Variants in SPTAN1 observed in about 807,000 individuals in gnomAD.
SPTAN1 encodes the protein spectrin alpha, non-erythrocytic 1.
A neutral mutation model predicts 331.3 loss-of-function variants in SPTAN1; 61 were observed. The ratio of observed to expected loss-of-function variants is 0.18; its 90% confidence interval spans 0.15 to 0.23. SPTAN1 has a LOEUF of 0.23. SPTAN1 is among the 10% of genes least tolerant of loss of function. The pLI, the probability that SPTAN1 is intolerant of heterozygous loss-of-function variation, is 1.00. For synonymous variants in SPTAN1, 1,153 were observed against 1,173.9 expected (o/e 0.98, Z 0.36); for missense variants, 2,043 against 3,147.9 (o/e 0.65, Z 8.40).
At chr9:128,562,639 CA>C (rs1849508727) in intron 1 of SPTAN1, among the ~76,000 whole-genome samples, 1 of 152,094 alleles carries the variant, frequency 6.6e-6, no homozygotes, top group African/African-American at 2.4e-5. Flanking sequence ...CATCAGAAAT[CA>C]GCCTTCTCCA....
At chr9:128,560,281 A>C (rs1234293959) in intron 1 of SPTAN1, among the ~76,000 whole-genome samples, 1 of 151,252 alleles carries the variant, frequency 6.6e-6, no homozygotes, top group African/African-American at 2.4e-5. Context: ...ACGAGGTTCC[A>C]CCGTGTTGCC....
At chr9:128,578,017 A>G (rs1463900648) in intron 8 of SPTAN1, 93 bp from the exon 9 acceptor site, 6 of 1,380,282 alleles carry the variant, frequency 4.3e-6, no homozygotes, top group East Asian at 2.3e-5. Flanking sequence ...TTTGTTAGAC[A>G]TTTGAGAACA....
chr9:128,591,338 T>G, intron 21 of SPTAN1, 139 bp from the exon 22 acceptor site: 13 of 1,027,304 alleles, frequency 1.3e-5, no homozygotes, highest in Non-Finnish European at 1.8e-5. Context: ...AGTGCTGGGA[T>G]TATAGGTGTG....
At position 128,582,916 on chromosome 9, in the gene SPTAN1, A is replaced by G. The variant is rs940594719; in HGVS notation, c.1806+67A>G. 14 of 1,605,126 alleles carry G rather than the reference A, an allele frequency of 8.7e-6. No individual in the cohort carries two copies. In the African/African-American group the frequency reaches 1.7e-4, roughly 20 times the overall value. On this transcript the variant is annotated intron_variant, in intron 14 of 56. Coordinates refer to ENST00000372739, the MANE Select transcript of SPTAN1 (RefSeq NM_001130438.3). ...AGCTAAACACAGCTCTCACAAATAA[A>G]TTGTAGCTAAAGGACGAAATAAGGG...
chr9:128,624,380 A>G lies in SPTAN1; in HGVS notation c.5885A>G (p.Lys1962Arg). 1.2e-6 allele frequency: 2 copies of G among 1,614,070 alleles called. No homozygotes were observed. The highest frequency in any genetic ancestry group is 1.1e-5 in the South Asian group (1 of 91,084). ...ISSKMKGLNG[K>R]VSDLEKAAAQ... Reference sequence around the variant, plus strand: ...TCAAAGATGAAGGGCCTGAACGGGAAAGTGTCAGACCTGGAGAAAGCTGCA... The same window carrying G: ...TCAAAGATGAAGGGCCTGAACGGGAGAGTGTCAGACCTGGAGAAAGCTGCA... Residue 1962 changes from lysine to arginine, a missense_variant, in exon 46 of 57, where the codon AAA becomes AGA. Physicochemically the swap from Lys to Arg is conservative, Grantham distance 26 (BLOSUM62 2). Transcript: ENST00000372739.
Position 128,588,788 on chromosome 9 carries a change from GC to G in SPTAN1, c.2872-18del. 6.2e-7 allele frequency: 1 copy of G among 1,613,642 alleles called. No homozygotes were observed. Among genetic ancestry groups the G allele is most frequent in the Non-Finnish European group, 8.5e-7 (1 of 1,180,010 alleles). Reference sequence around the variant, plus strand: ...GCGCGGACGTGTTTTTACCATGTTTGCCCTTCCTTTGGATTTTTAGCAACAA... The same window carrying G: ...GCGCGGACGTGTTTTTACCATGTTTGCCTTCCTTTGGATTTTTAGCAACAA... On this transcript the variant is annotated intron_variant, in intron 20 of 56. Coordinates refer to ENST00000372739, the MANE Select transcript of SPTAN1 (RefSeq NM_001130438.3).
chr9:128,616,259 G>A (rs1480391143), intron 41 of SPTAN1, among the ~76,000 whole-genome samples: 2 of 151,616 alleles, frequency 1.3e-5, no homozygotes, highest in East Asian at 2.0e-4. Context: ...CTGTCACCAG[G>A]CTAGAATGCC....
chr9:128,628,312 C>T lies in SPTAN1; in HGVS notation c.6707+370C>T, dbSNP rs1253513973. ...TGGGCTCTCACCTCTGCTTCCCCAG[C>T]GAGTCCAACAGTGGTCAGTGGGCAT... On this transcript the variant is annotated intron_variant, in intron 51 of 56. Coordinates refer to ENST00000372739, the MANE Select transcript of SPTAN1 (RefSeq NM_001130438.3). 5 of 402,402 alleles carry T rather than the reference C, an allele frequency of 1.2e-5. 1 individual carries two copies. Among genetic ancestry groups the T allele is most frequent in the East Asian group, 6.2e-5 (1 of 16,078 alleles). 24.9% of individuals were successfully genotyped at this position (402,402 alleles called of 1,614,324 possible).
intron 44 of SPTAN1, among the ~76,000 whole-genome samples, chr9:128,620,096 A>G (rs1857654458): frequency 6.6e-6 from 1 of 152,172 alleles, no homozygotes; most frequent in African/African-American, 2.4e-5. Flanking sequence ...GCGGCCTCAC[A>G]CATCATCCTC....
intron 29 of SPTAN1, 64 bp downstream of exon 29, chr9:128,604,481 C>T: frequency 6.6e-7 from 1 of 1,509,990 alleles, no homozygotes; most frequent in Non-Finnish European, 9.0e-7. Context: ...CTGACAGCCC[C>T]CAAGCTTGCT....
intron 29 of SPTAN1, 56 bp from the exon 30 acceptor site, chr9:128,604,978 T>C (rs1379382043): frequency 6.2e-7 from 1 of 1,600,378 alleles, no homozygotes; most frequent in Non-Finnish European, 8.6e-7. Context: ...TTTAGTGTCC[T>C]GTAATCAAGG....
intron 27 of SPTAN1, 138 bp from the exon 28 acceptor site, chr9:128,603,405 C>G: frequency 1.1e-6 from 1 of 890,610 alleles, no homozygotes; most frequent in Non-Finnish European, 1.9e-6. Flanking sequence ...GTACTGATGT[C>G]TCTGTTAAGA....
chr9:128,578,305 A>G, intron 9 of SPTAN1, 60 bp downstream of exon 9: 2 of 1,604,022 alleles, frequency 1.2e-6, no homozygotes, highest in East Asian at 2.2e-5. Flanking sequence ...GCACCAGTTT[A>G]TCAGTGTTGG....
chr9:128,594,804 C>CTTTTTTTTTTTTTTTTTTTTTTTTT (rs10594067), intron 24 of SPTAN1, among the ~76,000 whole-genome samples: 1 of 90,560 alleles, frequency 1.1e-5, no homozygotes, highest in Non-Finnish European at 2.2e-5. Flanking sequence ...ATGTATGTAG[C>CTTTTTTTTTTTTTTTTTTTTTTTTT]TTTTTTTTTT....
intron 39 of SPTAN1, 136 bp downstream of exon 39, chr9:128,612,382 G>C: frequency 8.8e-7 from 1 of 1,138,922 alleles, no homozygotes; most frequent in Admixed American, 1.9e-5. Context: ...TATTATATAT[G>C]AGTTGCATGC....
At chr9:128,613,534 G>C (rs760625641) in intron 40 of SPTAN1, 49 bp downstream of exon 40, 1 of 1,449,732 alleles carries the variant, frequency 6.9e-7, no homozygotes, top group Non-Finnish European at 9.7e-7. Flanking sequence ...ACACAGCTCT[G>C]CCTGACTCCT....
chr9:128,558,651 G>A (rs1029799454), intron 1 of SPTAN1, among the ~76,000 whole-genome samples: 1 of 152,154 alleles, frequency 6.6e-6, no homozygotes, highest in South Asian at 2.1e-4. Flanking sequence ...CTCTCAAAAG[G>A]CGTTAATCCC....
rs1394595574 is a variant in SPTAN1 at position 128,625,506 on chromosome 9, C to T, written c.6070-263C>T. 1.3e-5 allele frequency among the ~76,000 whole-genome samples: 2 copies of T among 152,004 alleles called. No individual in the cohort carries two copies. Among genetic ancestry groups the T allele is most frequent in the African/African-American group, 4.8e-5 (2 of 41,390 alleles). On this transcript the variant is annotated intron_variant, in intron 47 of 56. Transcript: ENST00000372739. This position sits in a 1 kb window ranked among gnomAD's most constrained non-coding sequence, Gnocchi z 4.1. ...AAAACGGTCAGGGAGAGAGGCAGGG[C>T]GAGTGTTCTGGGCAGAGCTGGCAGG... is the stretch of plus-strand genomic sequence containing the variant.
chr9:128,597,808 G>A (rs370450528), intron 24 of SPTAN1, among the ~76,000 whole-genome samples: 3 of 148,872 alleles, frequency 2.0e-5, no homozygotes, highest in Non-Finnish European at 3.0e-5. Flanking sequence ...CTGCCACCGC[G>A]CCTAGCTAAT....
Sources: gnomAD v4.1 joint callset for allele counts (sites outside exome capture counted in the v4.1 genomes callset) on GRCh38, gnomAD v4.1.1 for gene constraint, Gnocchi (gnomAD v3.1) non-coding constraint, MANE v1.5 for transcripts, NCBI Gene and HGNC (gene_info 2026-07-23, HGNC 2026-07-21) for gene names.